PCDHA13: variants seen among roughly 807,000 people sequenced by gnomAD.
The protein encoded by PCDHA13 is protocadherin alpha 13.
A neutral mutation model predicts 64.8 loss-of-function variants in PCDHA13; 54 were observed. The observed-to-expected ratio is 0.83, with a 90% CI of 0.67 to 1.04. The LOEUF is 1.04. Ranked by LOEUF, PCDHA13 falls within the 50% of genes least tolerant of loss-of-function variation. The pLI, the probability that PCDHA13 is intolerant of heterozygous loss-of-function variation, is 0.00. For missense variants in PCDHA13, 1,248 were observed against 1,254.3 expected (o/e 0.99, Z 0.08); for synonymous variants, 587 against 564.4 (o/e 1.04, Z -0.57).
Position 140,884,449 on chromosome 5 carries a change from C to T in PCDHA13, c.2181C>T (p.Pro727=). 1 of 1,613,826 alleles carries T rather than the reference C, an allele frequency of 6.2e-7. No homozygotes were observed. Among genetic ancestry groups the T allele is most frequent in the Non-Finnish European group, 8.5e-7 (1 of 1,179,816 alleles). Residue 727 remains proline (P), a synonymous_variant, in exon 1 of 4, where the codon CCC becomes CCT. Coordinates refer to ENST00000289272, the MANE Select transcript of PCDHA13 (RefSeq NM_018904.3). The stretch of plus-strand genomic sequence containing the variant: ...CTGCGCTGCGGTGCTCGGCACCGCC[C>T]ACCGAGGGCGCGTGCGCGCCGGGCA... ...LYTALRCSAP[P]TEGACAPGKP...
intron 1 of PCDHA13, among the ~76,000 whole-genome samples, chr5:140,937,290 G>C (rs890693007): frequency 3.3e-5 from 5 of 152,076 alleles, no homozygotes; most frequent in Non-Finnish European, 7.4e-5. Flanking sequence ...ACCCGCTTCG[G>C]CCTCCCAAAG....
At chr5:140,890,237 A>G (rs1554184228) in intron 1 of PCDHA13, among the ~76,000 whole-genome samples, 1 of 152,154 alleles carries the variant, frequency 6.6e-6, no homozygotes, top group East Asian at 1.9e-4. Flanking sequence ...TTAAGCATTT[A>G]CCAGTACACT....
chr5:140,927,008 T>C (rs1482906318), intron 1 of PCDHA13: 1 of 1,612,396 alleles, frequency 6.2e-7, no homozygotes, highest in Admixed American at 1.7e-5. Context: ...GTAGGCAATC[T>C]CTCCGCGGAC....
intron 1 of PCDHA13, among the ~76,000 whole-genome samples, chr5:140,977,937 T>C (rs1264352481): frequency 5.3e-5 from 8 of 152,162 alleles, no homozygotes; most frequent in African/African-American, 1.9e-4. Flanking sequence ...TATACCTCAA[T>C]ATTCAGTGAC....
chr5:140,929,153 A>G (rs1554206749), intron 1 of PCDHA13: 1 of 1,614,164 alleles, frequency 6.2e-7, no homozygotes, highest in East Asian at 2.2e-5. Context: ...TCTCAGACTT[A>G]TCTCTATCGG....
intron 3 of PCDHA13, among the ~76,000 whole-genome samples, chr5:140,999,495 A>G (rs868986339): frequency 6.6e-6 from 1 of 152,142 alleles, no homozygotes; most frequent in South Asian, 2.1e-4. Flanking sequence ...TATGTTACCC[A>G]AGAACCTACA....
At chr5:140,913,205 C>G (rs2076252546) in intron 1 of PCDHA13, among the ~76,000 whole-genome samples, 1 of 152,176 alleles carries the variant, frequency 6.6e-6, no homozygotes, top group South Asian at 2.1e-4. Context: ...GCAGTGAAGC[C>G]AATGGGTCCC....
intron 1 of PCDHA13, among the ~76,000 whole-genome samples, chr5:140,919,753 T>C (rs1386045187): frequency 6.6e-6 from 1 of 152,212 alleles, no homozygotes; most frequent in Non-Finnish European, 1.5e-5. Flanking sequence ...ATTTCTCTTC[T>C]GCCTTTTGTA....
At chr5:140,924,670 C>A (rs2081947196) in intron 1 of PCDHA13, among the ~76,000 whole-genome samples, 1 of 151,926 alleles carries the variant, frequency 6.6e-6, no homozygotes, top group African/African-American at 2.4e-5. Flanking sequence ...CGAGGCAGGC[C>A]AATCACTTGA....
At chr5:140,970,247 C>T (rs551216649) in intron 1 of PCDHA13, among the ~76,000 whole-genome samples, 1 of 152,290 alleles carries the variant, frequency 6.6e-6, no homozygotes, top group East Asian at 1.9e-4. Context: ...TTTCTGTTGA[C>T]AGTTTCTATG....
intron 1 of PCDHA13, chr5:140,969,054 A>G (rs782226153): frequency 6.2e-7 from 1 of 1,614,182 alleles, no homozygotes; most frequent in South Asian, 1.1e-5. Context: ...GCCAACAACA[A>G]TATTGATGCC....
At chr5:140,991,417 C>G (rs782178829) in intron 3 of PCDHA13, among the ~76,000 whole-genome samples, 79 of 152,196 alleles carry the variant, frequency 5.2e-4, no homozygotes, top group Admixed American at 1.5e-3. Context: ...TATGCTATAA[C>G]AAATTAACCA....
intron 1 of PCDHA13, chr5:140,968,106 C>A: frequency 6.2e-7 from 1 of 1,614,134 alleles, no homozygotes; most frequent in Non-Finnish European, 8.5e-7. Flanking sequence ...GGGGGAATAC[C>A]GCAGCTCACA....
At chr5:140,903,570 C>G (rs781884167) in intron 1 of PCDHA13, among the ~76,000 whole-genome samples, 3 of 152,154 alleles carry the variant, frequency 2.0e-5, no homozygotes, top group Non-Finnish European at 4.4e-5. Context: ...GAATTGGGAG[C>G]TGTCTAGCTG....
At position 140,978,970 on chromosome 5, in the gene PCDHA13, T is replaced by A; in HGVS notation, c.2416T>A (p.Trp806Arg). The change falls in exon 2 of 4, where the codon TGG (tryptophan) becomes AGG (arginine). Residue 806 changes from tryptophan to arginine, a missense_variant. Coordinates refer to ENST00000289272, the MANE Select transcript of PCDHA13 (RefSeq NM_018904.3). ...LKEPRQPNPD[W>R]RYSASLRAGM... is the part of the protein sequence containing the mutation. Reference sequence around the variant, plus strand: ...GCAGCCACGACAGCCCAACCCTGACTGGCGTTACTCTGCCTCCCTGAGAGC... The same window carrying A: ...GCAGCCACGACAGCCCAACCCTGACAGGCGTTACTCTGCCTCCCTGAGAGC... 6.2e-7 allele frequency: 1 copy of A among 1,614,216 alleles called. No homozygotes were observed. Among genetic ancestry groups the A allele is most frequent in the Admixed American group, 1.7e-5 (1 of 60,030 alleles).
intron 1 of PCDHA13, among the ~76,000 whole-genome samples, chr5:140,922,316 A>T (rs983729529): frequency 6.6e-6 from 1 of 152,248 alleles, no homozygotes; most frequent in Non-Finnish European, 1.5e-5. Flanking sequence ...TTCACTGAAG[A>T]TCTTGGAAAG....
At chr5:140,985,310 TG>T (rs1563522847) in intron 3 of PCDHA13, among the ~76,000 whole-genome samples, 2 of 152,196 alleles carry the variant, frequency 1.3e-5, no homozygotes, top group African/African-American at 4.8e-5. Flanking sequence ...GATAGCCTGG[TG>T]GCCAGAATTC....
In PCDHA13 at chr5:140,927,516, C is replaced by T. The variant is rs782661477; in HGVS notation, c.2394+42854C>T. 3.1e-6 allele frequency: 5 copies of T among 1,613,948 alleles called. No homozygotes were observed. The South Asian group carries it at 4.4e-5, about 14-fold the overall frequency. Reference sequence around the variant, plus strand: ...TGCTGGTGCTTACAGCTCGGGACGGCGGGCTACCTGCCCGCTCAGGAGACG... The same window carrying T: ...TGCTGGTGCTTACAGCTCGGGACGGTGGGCTACCTGCCCGCTCAGGAGACG... On this transcript the variant is annotated intron_variant, in intron 1 of 3. Transcript: ENST00000289272.
rs371212960 is a variant in PCDHA13 at position 140,891,914 on chromosome 5, C to T, written c.2394+7252C>T. ...GCAGCAAGAAGATCTTCACCAGATG[C>T]TGGTGCCTTGATCTTGGACTTCCCC... On this transcript the variant is annotated intron_variant, in intron 1 of 3. Transcript: ENST00000289272. Among the ~76,000 whole-genome samples the T allele has an allele frequency of 2.6e-3, 395 of 152,328 alleles. 2 individuals carry two copies. The highest frequency in any genetic ancestry group is 9.2e-3 in the African/African-American group (384 of 41,572).
Sources: allele counts gnomAD v4.1 joint callset (sites outside exome capture counted in the v4.1 genomes callset), GRCh38; gene constraint gnomAD v4.1.1; transcripts MANE v1.5; gene names NCBI Gene and HGNC (gene_info 2026-07-23, HGNC 2026-07-21).